DOP1A: variants seen among roughly 807,000 people sequenced by gnomAD.
DOP1A encodes the protein DOP1 leucine zipper like protein A.
Under a neutral mutation model 267.6 loss-of-function variants are expected in DOP1A, and 90 were observed. The ratio of observed to expected loss-of-function variants is 0.34; its 90% confidence interval spans 0.28 to 0.40. The LOEUF is 0.40. Among genes scored for constraint, DOP1A ranks in the 10% least tolerant of loss-of-function variants. The pLI, the probability that DOP1A is intolerant of heterozygous loss-of-function variation, is 1.00. For missense variants in DOP1A, 2,437 were observed against 2,900.4 expected, an observed-to-expected ratio of 0.84 and a Z score of 3.67; for synonymous variants, 932 against 999.1, an observed-to-expected ratio of 0.93 and a Z score of 1.27.
chr6:83,143,028 A>G (rs1779904594), intron 24 of DOP1A, among the ~76,000 whole-genome samples: 1 of 152,204 alleles, frequency 6.6e-6, no homozygotes, highest in African/African-American at 2.4e-5. Context: ...ACCATATTAC[A>G]TTATTTTGCA....
chr6:83,163,735 A>AC (rs1335150276), intron 38 of DOP1A, among the ~76,000 whole-genome samples: 4 of 151,922 alleles, frequency 2.6e-5, no homozygotes, highest in East Asian at 1.9e-4. Context: ...AGATTGCAAG[A>AC]CCCCCACAAC....
At chr6:83,115,905 T>A (rs150518446) in intron 7 of DOP1A, among the ~76,000 whole-genome samples, 2,775 of 152,320 alleles carry the variant, frequency 0.018, 51 homozygotes, top group Admixed American at 0.06. Context: ...TTTGTACTTT[T>A]AAAGATTTTG....
chr6:83,120,910 C>G, intron 10 of DOP1A, 119 bp downstream of exon 10: 2 of 666,424 alleles, frequency 3.0e-6, no homozygotes, highest in Non-Finnish European at 2.3e-6. Context: ...TATAAGTTCT[C>G]AACAATTTCT....
chr6:83,118,655 A>G (rs9294272), intron 7 of DOP1A, among the ~76,000 whole-genome samples: 4,336 of 152,240 alleles, frequency 0.028, 154 homozygotes, highest in East Asian at 0.084. Context: ...TTAAACTGTA[A>G]GTTAAAATAA....
chr6:83,078,950 TGA>T (rs1202085053), intron 1 of DOP1A, among the ~76,000 whole-genome samples: 1 of 152,134 alleles, frequency 6.6e-6, no homozygotes, highest in Admixed American at 6.5e-5. Flanking sequence ...CCTTAAAACA[TGA>T]GAGGGGATGG....
chr6:83,163,909 AC>A (rs761426453), intron 38 of DOP1A, among the ~76,000 whole-genome samples: 11 of 151,966 alleles, frequency 7.2e-5, no homozygotes, highest in Admixed American at 3.3e-4. Context: ...TGTCTTATAT[AC>A]TTTTTATCTT....
chr6:83,080,219 A>C, intron 1 of DOP1A, among the ~76,000 whole-genome samples: 1 of 152,202 alleles, frequency 6.6e-6, no homozygotes, highest in East Asian at 1.9e-4. Flanking sequence ...CATTAGAAAG[A>C]TATGTTTGAA....
At chr6:83,111,215 G>A (rs904269666) in intron 6 of DOP1A, among the ~76,000 whole-genome samples, 5 of 152,026 alleles carry the variant, frequency 3.3e-5, no homozygotes, top group Non-Finnish European at 7.4e-5. Flanking sequence ...ATCCCAAGGT[G>A]CTGGGATTAC....
rs1347057361 is a variant in DOP1A at position 83,137,966 on chromosome 6, T to C, written c.3924T>C (p.Asp1308=). The change falls in exon 21 of 39, where the codon GAT becomes GAC. Residue 1308 remains aspartate (D), a synonymous_variant. Coordinates refer to ENST00000349129, the MANE Select transcript of DOP1A (RefSeq NM_015018.4). ...PKVKLARKKD[D]DKKKSSNEKL... ...TAAAACTTGCCAGAAAAAAGGATGA[T>C]GACAAGAAAAAATCTTCAAATGAAA... is the stretch of plus-strand genomic sequence containing the variant. 3 of 1,605,288 alleles carry C rather than the reference T, an allele frequency of 1.9e-6. No homozygotes were observed. Among genetic ancestry groups the C allele is most frequent in the Middle Eastern group, 1.7e-4 (1 of 5,986 alleles).
At chr6:83,164,635 T>C (rs764798109) in intron 38 of DOP1A, 1 of 1,557,386 alleles carries the variant, frequency 6.4e-7, no homozygotes, top group East Asian at 2.4e-5. Context: ...ACAAAGGCTG[T>C]GAGTTCTCCT....
At chr6:83,135,396 CATGAGT>C (rs1466528037) in intron 19 of DOP1A, among the ~76,000 whole-genome samples, 1 of 151,678 alleles carries the variant, frequency 6.6e-6, no homozygotes, top group African/African-American at 2.4e-5. Context: ...AATTTCAAAG[CATGAGT>C]ATATTTTTAA....
chr6:83,145,469 T>G, intron 24 of DOP1A, 55 bp from the exon 25 acceptor site: 1 of 1,390,806 alleles, frequency 7.2e-7, no homozygotes, highest in South Asian at 1.5e-5. Flanking sequence ...CTTCTGTAAC[T>G]TCCCCTAAAA....
chr6:83,141,995 T>G lies in DOP1A; in HGVS notation c.5490T>G (p.Ile1830Met). ...ATGGTGTTCACTTTATGGCTGCCATTGCATTTGTGTGGAATGAAAGAAGAC... is the reference window on the plus strand; with the variant it reads ...ATGGTGTTCACTTTATGGCTGCCATGGCATTTGTGTGGAATGAAAGAAGAC... ...MNHGVHFMAAIAFVWNERRQN... is the reference protein window; with the variant it reads ...MNHGVHFMAAMAFVWNERRQN... Residue 1830 changes from isoleucine (I) to methionine (M), a missense_variant, in exon 24 of 39, where the codon ATT becomes ATG. By Grantham distance (10) the Ile-to-Met change is conservative (BLOSUM62 1). Transcript: ENST00000349129. 1.9e-6 allele frequency: 3 copies of G among 1,613,090 alleles called. No homozygotes were observed. Among genetic ancestry groups the G allele is most frequent in the Non-Finnish European group, 2.5e-6 (3 of 1,179,646 alleles).
At chr6:83,141,888 A>C (rs1779709310) in intron 23 of DOP1A, 33 bp from the exon 24 acceptor site, 1 of 1,572,744 alleles carries the variant, frequency 6.4e-7, no homozygotes, top group African/African-American at 1.4e-5. Flanking sequence ...ATTTTTTAAA[A>C]GTTTCACTTT....
chr6:83,169,320 T>C, downstream of DOP1A: 7 of 1,613,272 alleles, frequency 4.3e-6, no homozygotes, highest in Non-Finnish European at 5.9e-6. Context: ...TGATCTGCAC[T>C]TTCCTGCAAA....
chr6:83,169,797 G>A, downstream of DOP1A: 1 of 457,514 alleles, frequency 2.2e-6, no homozygotes, highest in Non-Finnish European at 4.4e-6. Flanking sequence ...TAAGGAGTAT[G>A]TGAAGAGGCC....
In DOP1A at chr6:83,164,906, G is replaced by A. The variant is rs1785097641; in HGVS notation, c.7092+1987G>A. The A allele has an allele frequency of 1.4e-5, 8 of 567,848 alleles. No individual in the cohort carries two copies. The South Asian group carries it at 1.8e-4, about 13-fold the overall frequency. The allele number at this position is 567,848 out of a possible 1,614,324, so 35.2% of individuals were successfully genotyped here. The stretch of plus-strand genomic sequence containing the variant: ...GAAACATTTGACTTTATTTAATATT[G>A]AGACAATACATATAGTTCTGATTAA... On this transcript the variant is annotated intron_variant, in intron 38 of 38. Transcript: ENST00000349129.
chr6:83,115,637 T>C (rs1775301222), intron 7 of DOP1A, among the ~76,000 whole-genome samples: 2 of 152,086 alleles, frequency 1.3e-5, no homozygotes, highest in Non-Finnish European at 1.5e-5. Flanking sequence ...GGCAGGAGAA[T>C]GGCGTGAACC....
chr6:83,106,360 G>A (rs1344131473), intron 4 of DOP1A, among the ~76,000 whole-genome samples: 1 of 152,112 alleles, frequency 6.6e-6, no homozygotes, highest in Non-Finnish European at 1.5e-5. Context: ...GCATTTAGTT[G>A]GCAGTTGAAG....
Sources: allele counts gnomAD v4.1 joint callset (sites outside exome capture counted in the v4.1 genomes callset), GRCh38; gene constraint gnomAD v4.1.1; transcripts MANE v1.5; gene names NCBI Gene and HGNC (gene_info 2026-07-23, HGNC 2026-07-21).